RYR1: variants seen among roughly 807,000 people sequenced by gnomAD.
The protein encoded by RYR1 is ryanodine receptor 1.
RYR1 carries 342 observed loss-of-function variants against 583.5 expected under a neutral mutation model. The ratio of observed to expected loss-of-function variants is 0.59; its 90% CI spans 0.54 to 0.64. The LOEUF (loss-of-function observed/expected upper bound fraction) is 0.64. RYR1 is among the 30% of genes least tolerant of loss of function. RYR1 has a pLI of 0.00. For missense variants in RYR1, 6,032 were observed against 6,917.2 expected, an observed-to-expected ratio of 0.87 and a Z score of 4.54; for synonymous variants, 2,791 against 2,822.5, an observed-to-expected ratio of 0.99 and a Z score of 0.35.
chr19:38,506,670 CA>C, intron 56 of RYR1, 124 bp downstream of exon 56: 1 of 1,478,838 alleles, frequency 6.8e-7, no homozygotes, highest in Non-Finnish European at 9.3e-7. Context: ...CAGCGTTTAC[CA>C]CCATGGGGTA....
intron 67 of RYR1, among the ~76,000 whole-genome samples, chr19:38,519,676 TTTTG>T (rs1029573345): frequency 6.6e-6 from 1 of 152,094 alleles, no homozygotes; most frequent in African/African-American, 2.4e-5. Flanking sequence ...TTGGGTTTTT[TTTTG>T]TTTGTTTTTG....
intron 83 of RYR1, 141 bp from the exon 84 acceptor site, chr19:38,537,739 G>A: frequency 2.4e-6 from 2 of 823,126 alleles, no homozygotes; most frequent in South Asian, 1.4e-5. Context: ...CCCTCACAGT[G>A]TCTTTGGAGT....
At chr19:38,531,222 T>C (rs1170464286) in intron 76 of RYR1, among the ~76,000 whole-genome samples, 1 of 151,878 alleles carries the variant, frequency 6.6e-6, no homozygotes, top group Non-Finnish European at 1.5e-5. Flanking sequence ...GGCTGCAAGG[T>C]GATGAAGAAT....
intron 39 of RYR1, among the ~76,000 whole-genome samples, chr19:38,495,100 C>T (rs1969754746): frequency 1.3e-5 from 2 of 152,086 alleles, no homozygotes; most frequent in African/African-American, 4.8e-5. Context: ...GATCCACCCG[C>T]CTCGGCCTCC....
chr19:38,512,608 A>G lies in RYR1; in HGVS notation c.9472+125A>G. 1.1e-6 allele frequency: 1 copy of G among 926,684 alleles called. No individual in the cohort carries two copies. The highest frequency in any genetic ancestry group is 1.4e-5 in the South Asian group (1 of 72,016). 57.4% of individuals were successfully genotyped at this position (926,684 alleles called of 1,614,324 possible). A position where few individuals can be genotyped will look rare whatever the true frequency, so the allele number is the denominator to read the frequency against. On this transcript the variant is annotated intron_variant, in intron 63 of 105. Transcript: ENST00000359596. This position sits in a 1 kb window ranked among gnomAD's most constrained non-coding sequence, Gnocchi z 5.1. ...ATTTCTTGCTGTAAGCAAAGCATGC[A>G]GTCAGTACCTTGGCAGGTGGCAAAT...
chr19:38,567,069 A>G, intron 92 of RYR1, 82 bp downstream of exon 92: 1 of 1,543,694 alleles, frequency 6.5e-7, no homozygotes, highest in East Asian at 2.4e-5. Flanking sequence ...TCAGGCCCCA[A>G]GGCTGTCCTG....
In RYR1 at chr19:38,504,202, C is replaced by T. The variant is rs1970334062; in HGVS notation, c.7927-18C>T. 3 of 1,604,658 alleles carry T rather than the reference C, an allele frequency of 1.9e-6. No individual in the cohort carries two copies. The highest frequency in any genetic ancestry group is 1.3e-5 in the African/African-American group (1 of 74,752). Reference sequence around the variant, plus strand: ...GGTGCCCCCCTCATTTGTGTGTCCCCCTCTTGTTCCCACCCAGCTCCTCAC... The same window carrying T: ...GGTGCCCCCCTCATTTGTGTGTCCCTCTCTTGTTCCCACCCAGCTCCTCAC... On this transcript the variant is annotated intron_variant, in intron 49 of 105. Coordinates refer to ENST00000359596, the MANE Select transcript of RYR1 (RefSeq NM_000540.3).
chr19:38,463,449 C>T lies in RYR1; in HGVS notation c.2604C>T (p.Arg868=). 1.2e-6 allele frequency: 2 copies of T among 1,614,044 alleles called. No homozygotes were observed. Among genetic ancestry groups the T allele is most frequent in the Admixed American group, 3.3e-5 (2 of 60,020 alleles). The change falls in exon 21 of 106, where the codon CGC becomes CGT. Residue 868 remains arginine (R), a synonymous_variant. Transcript: ENST00000359596. ...TTGTCCTGCCGCCCCATCTGGAGCG[C>T]ATTCGGGAGAAGCTGGCGGAGAACA... is the stretch of plus-strand genomic sequence containing the variant. The part of the protein sequence containing the change: ...VQIVLPPHLE[R]IREKLAENIH...
chr19:38,450,103 G>A (rs570697106), intron 11 of RYR1, among the ~76,000 whole-genome samples: 9 of 152,278 alleles, frequency 5.9e-5, no homozygotes, highest in South Asian at 2.1e-4. Context: ...GTGACCTGAC[G>A]CAGGATCACA....
rs572643765 is a variant in RYR1, at chr19:38,533,517, C to T, written c.11259+781C>T. 4.9e-4 allele frequency among the ~76,000 whole-genome samples: 75 copies of T among 152,244 alleles called. 1 individual carries two copies. The highest frequency in any genetic ancestry group is 1.3e-3 in the Admixed American group (20 of 15,284). ...CTATCAAATAAGATCTAAGGCTGGG[C>T]GCAGTGGCTCACACTTGTAATTCCA... On this transcript the variant is annotated intron_variant, in intron 78 of 105. Transcript: ENST00000359596.
At chr19:38,434,189 T>G (rs1262059379) in intron 1 of RYR1, among the ~76,000 whole-genome samples, 1 of 152,114 alleles carries the variant, frequency 6.6e-6, no homozygotes, top group Non-Finnish European at 1.5e-5. Flanking sequence ...AGCAGGCACT[T>G]GGGGAAGGTG....
At chr19:38,534,693 C>T (rs755674754) in intron 78 of RYR1, 27 bp from the exon 79 acceptor site, 6 of 1,601,268 alleles carry the variant, frequency 3.7e-6, no homozygotes, top group Non-Finnish European at 5.1e-6. Context: ...CCTGGACTTG[C>T]CTTCATGTGT....
At chr19:38,585,192 C>T in intron 102 of RYR1, 93 bp downstream of exon 102, 1 of 1,441,526 alleles carries the variant, frequency 6.9e-7, no homozygotes, top group South Asian at 1.2e-5. Context: ...TGCATTCATA[C>T]CCCATCTCTA....
chr19:38,462,791 C>G (rs1361747803), intron 20 of RYR1, among the ~76,000 whole-genome samples: 1 of 151,564 alleles, frequency 6.6e-6, no homozygotes, highest in Non-Finnish European at 1.5e-5. Flanking sequence ...GGGCTGGGGA[C>G]TTGGTGGAGA....
chr19:38,474,715 C>T (rs1351843989), intron 28 of RYR1, among the ~76,000 whole-genome samples: 6 of 151,452 alleles, frequency 4.0e-5, no homozygotes, highest in Non-Finnish European at 8.8e-5. Context: ...TCTGGGACTA[C>T]AGGTGTGTGC....
intron 78 of RYR1, among the ~76,000 whole-genome samples, chr19:38,533,210 G>A (rs894906845): frequency 6.6e-6 from 1 of 152,180 alleles, no homozygotes; most frequent in Non-Finnish European, 1.5e-5. Context: ...AATGTTCTAC[G>A]TAGGGAGAAT....
intron 13 of RYR1, among the ~76,000 whole-genome samples, chr19:38,453,325 T>C (rs1338682960): frequency 6.6e-6 from 1 of 151,246 alleles, no homozygotes; most frequent in African/African-American, 2.4e-5. Context: ...GCGGGGCCTA[T>C]GTGAAGCTCA....
chr19:38,573,086 A>G, intron 95 of RYR1, 91 bp from the exon 96 acceptor site: 1 of 1,581,990 alleles, frequency 6.3e-7, no homozygotes, highest in Non-Finnish European at 8.6e-7. Context: ...GGGGTCACAC[A>G]CAGACCCCAG....
chr19:38,511,311 CAAAG>C lies in RYR1; in HGVS notation c.9123-247_9123-244del, dbSNP rs989912222. Among the ~76,000 whole-genome samples the C allele has an allele frequency of 1.4e-4, 22 of 151,906 alleles. No homozygotes were observed. The East Asian group carries it at 2.9e-3, about 20-fold the overall frequency. ...ACCCTGTCTAAAAAAAATAAACAAA[CAAAG>C]AATAATAAGAAAGGCTGACTCACCC... On this transcript the variant is annotated intron_variant, in intron 60 of 105. Coordinates refer to ENST00000359596, the MANE Select transcript of RYR1 (RefSeq NM_000540.3).
Sources: allele counts gnomAD v4.1 joint callset (sites outside exome capture counted in the v4.1 genomes callset), GRCh38; gene constraint gnomAD v4.1.1; non-coding constraint Gnocchi (gnomAD v3.1); transcripts MANE v1.5; gene names NCBI Gene and HGNC (gene_info 2026-07-23, HGNC 2026-07-21).